Variants in S100A5 observed in about 807,000 individuals in gnomAD.
S100A5 encodes the protein S100 calcium binding protein A5, also known as protein S100-A5.
In S100A5, 5 loss-of-function variants were observed where a neutral mutation model predicts 6.7. The observed-to-expected ratio is 0.75, with a 90% CI of 0.39 to 1.57. The LOEUF (loss-of-function observed/expected upper bound fraction) is 1.57. Among genes scored for constraint, S100A5 ranks in the 40% most tolerant of loss-of-function variants. S100A5 has a pLI of 0.03. For synonymous variants in S100A5, 49 were observed against 44.9 expected, an observed-to-expected ratio of 1.09 and a Z score of -0.37; for missense variants, 129 against 110.8, an observed-to-expected ratio of 1.16 and a Z score of -0.74.
In S100A5 at chr1:153,537,156, C is replaced by T; in HGVS notation, c.*140G>A. 1 of 976,814 alleles carries T rather than the reference C, an allele frequency of 1.0e-6. No individual in the cohort carries two copies. Among genetic ancestry groups the T allele is most frequent in the Admixed American group, 2.7e-5 (1 of 37,570 alleles). The allele number at this position is 976,814 out of a possible 1,614,324, so 60.5% of individuals were successfully genotyped here. A position where few individuals can be genotyped will look rare whatever the true frequency, so the allele number is the denominator to read the frequency against. ...AGCTTCAAAACCAGACTCCCAGCAC[C>T]TGCGATGGAAACTTTATTTCCTCCC... On this transcript the variant is annotated 3_prime_UTR_variant, in exon 3 of 3. Coordinates refer to ENST00000368717, the MANE Select transcript of S100A5 (RefSeq NM_001394232.1).
chr1:153,537,564 C>A, intron 2 of S100A5, 128 bp from the exon 3 acceptor site: 1 of 1,174,196 alleles, frequency 8.5e-7, no homozygotes, highest in Non-Finnish European at 1.2e-6. Flanking sequence ...ACACTGTCAG[C>A]ATCTCGACCC....
In S100A5 at chr1:153,538,648, A is replaced by T. The variant is rs549667031; in HGVS notation, c.139-1212T>A. ...CCCCTGCCCATGTGGCACACTGTGG[A>T]CCTTCTTTCTGGGAGGGCCTACCAG... On this transcript the variant is annotated intron_variant, in intron 2 of 2. Coordinates refer to ENST00000368717, the MANE Select transcript of S100A5 (RefSeq NM_001394232.1). 3.3e-5 allele frequency among the ~76,000 whole-genome samples: 5 copies of T among 152,264 alleles called. No individual in the cohort carries two copies. In the East Asian group the frequency reaches 9.7e-4, roughly 29 times the overall value.
At chr1:153,541,679 A>C, upstream of S100A5, 2 of 1,145,008 alleles carry the variant, frequency 1.7e-6, no homozygotes, top group Non-Finnish European at 2.2e-6. Flanking sequence ...ACCAAAAATC[A>C]GAACTCAAAA....
Position 153,540,074 on chromosome 1 carries a change from T to G in S100A5, c.118A>C (p.Lys40Gln), listed in dbSNP as rs765109640. 6.2e-7 allele frequency: 1 copy of G among 1,614,186 alleles called. No individual in the cohort carries two copies. The highest frequency in any genetic ancestry group is 8.5e-7 in the Non-Finnish European group (1 of 1,180,030). Reference sequence around the variant, plus strand: ...CCTACCTCCCCAAGACACAGCTCTTTCTTGATCAGCTCCTTGAGTTCCTTC... The same window carrying G: ...CCTACCTCCCCAAGACACAGCTCTTGCTTGATCAGCTCCTTGAGTTCCTTC... Reference protein sequence around the residue: ...SRKELKELIKKELCLGEMKES... With the variant: ...SRKELKELIKQELCLGEMKES... The change falls in exon 2 of 3, where the codon AAA becomes CAA. Residue 40 changes from lysine to glutamine, a missense_variant. Transcript: ENST00000368717.
intron 2 of S100A5, among the ~76,000 whole-genome samples, chr1:153,537,673 C>T (rs1268135656): frequency 1.3e-5 from 2 of 152,098 alleles, no homozygotes; most frequent in African/African-American, 4.8e-5. Context: ...AGCAGGAATG[C>T]TAGCCTAGCC....
At chr1:153,541,494 G>A (rs1371012928), upstream of S100A5, 11 of 1,362,018 alleles carry the variant, frequency 8.1e-6, no homozygotes, top group Non-Finnish European at 1.1e-5. Flanking sequence ...GGGAGAGAAA[G>A]GGCCCATGAG....
intron 2 of S100A5, 34 bp from the exon 3 acceptor site, chr1:153,537,470 C>T (rs767532753): frequency 7.4e-6 from 12 of 1,610,866 alleles, no homozygotes; most frequent in East Asian, 2.2e-5. Flanking sequence ...ACAGCTCAGA[C>T]CCCGCTCCCA....
At position 153,537,385 on chromosome 1, in the gene S100A5, C is replaced by T. The variant is rs140492850; in HGVS notation, c.190G>A (p.Asp64Asn). The T allele has an allele frequency of 1.3e-4, 214 of 1,614,166 alleles. No homozygotes were observed. The highest frequency in any genetic ancestry group is 3.7e-4 in the African/African-American group (28 of 75,034). The change falls in exon 3 of 3, where the codon GAC (aspartate) becomes AAC (asparagine). Residue 64 changes from aspartate (D) to asparagine (N), a missense_variant. By Grantham distance (23) the Asp-to-Asn change is conservative (BLOSUM62 1). Transcript: ENST00000368717. Reference sequence around the variant, plus strand: ...TACTCCTTGAAGTCGATCTCCTGGTCGCTGTTCTTGTCCAGGCTCTTCATC... The same window carrying T: ...TACTCCTTGAAGTCGATCTCCTGGTTGCTGTTCTTGTCCAGGCTCTTCATC... ...DLMKSLDKNS[D>N]QEIDFKEYSV...
chr1:153,541,446 T>C, upstream of S100A5: 2 of 1,367,826 alleles, frequency 1.5e-6, no homozygotes, highest in Non-Finnish European at 2.0e-6. Context: ...CACTGCCTTC[T>C]GCCTTTATTT....
intron 2 of S100A5, among the ~76,000 whole-genome samples, chr1:153,539,450 A>AAAAAAATAT (rs1553214691): frequency 4.2e-4 from 13 of 31,182 alleles, no homozygotes; most frequent in African/African-American, 1.4e-3. Context: ...AAAAAAAAAA[A>AAAAAAATAT]ATATATATAT....
At chr1:153,540,511 G>A (rs1665352292) in intron 1 of S100A5, 110 bp downstream of exon 1, 1 of 247,444 alleles carries the variant, frequency 4.0e-6, no homozygotes, top group Admixed American at 5.0e-5. Flanking sequence ...AGGCCCTGGT[G>A]GCAGATGGTG....
intron 2 of S100A5, among the ~76,000 whole-genome samples, chr1:153,539,282 C>T (rs1016117069): frequency 6.6e-5 from 10 of 151,110 alleles, no homozygotes; most frequent in Non-Finnish European, 1.5e-4. Flanking sequence ...CAAAAATTAG[C>T]TGGGCGTGAT....
chr1:153,539,201 A>G (rs1214818291), intron 2 of S100A5, among the ~76,000 whole-genome samples: 4 of 151,726 alleles, frequency 2.6e-5, no homozygotes, highest in African/African-American at 7.3e-5. Flanking sequence ...TCCGAGGCAG[A>G]TGGATCACGA....
At chr1:153,543,287 T>C (rs114448713), upstream of S100A5, 2 of 985,362 alleles carry the variant, frequency 2.0e-6, no homozygotes, top group Non-Finnish European at 2.4e-6. Context: ...GGAACAGATA[T>C]GACCTTCAAT....
chr1:153,540,109 G>T lies in S100A5; in HGVS notation c.83C>A (p.Thr28Asn). The T allele has an allele frequency of 1.2e-6, 2 of 1,614,138 alleles. No homozygotes were observed. Among genetic ancestry groups the T allele is most frequent in the Non-Finnish European group, 1.7e-6 (2 of 1,180,026 alleles). ...CTCCTTGAGTTCCTTCCTACTCAGG[G>T]TCAGTTTGCTACCCTCTCTCCCCGA... The part of the protein sequence containing the change: ...KYSGREGSKL[T>N]LSRKELKELI... The change falls in exon 2 of 3, where the codon ACC (threonine) becomes AAC (asparagine). Residue 28 changes from threonine to asparagine, a missense_variant. Thr to Asn is a moderately conservative substitution (Grantham distance 65, BLOSUM62 0). Transcript: ENST00000368717.
chr1:153,540,010 A>T, intron 2 of S100A5, 44 bp downstream of exon 2: 4 of 1,607,750 alleles, frequency 2.5e-6, no homozygotes, highest in Non-Finnish European at 3.4e-6. Context: ...CCCCAGAGGG[A>T]GTACTCAGAC....
chr1:153,543,349 G>A (rs1270762180), upstream of S100A5: 2 of 941,774 alleles, frequency 2.1e-6, no homozygotes, highest in Non-Finnish European at 2.5e-6. Flanking sequence ...AGAGGTGGGA[G>A]GGGTAAGTGG....
At chr1:153,538,372 T>C (rs1044758192) in intron 2 of S100A5, among the ~76,000 whole-genome samples, 2 of 152,204 alleles carry the variant, frequency 1.3e-5, no homozygotes, top group African/African-American at 4.8e-5. Context: ...CTCCTCATCA[T>C]TGCCGTCAGC....
At position 153,540,196 on chromosome 1, in the gene S100A5, G is replaced by A. The variant is rs374976569; in HGVS notation, c.-5C>T. On this transcript the variant is annotated 5_prime_UTR_variant, in exon 2 of 3. Transcript: ENST00000368717. The stretch of plus-strand genomic sequence containing the variant: ...CTTCTCCAGAGGAGTCTCCATCACA[G>A]TGTGCAGCTCTGTAGAGGGAGAGGG... The A allele has an allele frequency of 6.2e-7, 1 of 1,614,052 alleles. No homozygotes were observed. The highest frequency in any genetic ancestry group is 8.5e-7 in the Non-Finnish European group (1 of 1,180,022).
Sources: gnomAD v4.1 joint callset for allele counts (sites outside exome capture counted in the v4.1 genomes callset) on GRCh38, gnomAD v4.1.1 for gene constraint, MANE v1.5 for transcripts, NCBI Gene and HGNC (gene_info 2026-07-23, HGNC 2026-07-21) for gene names.